Variants in BST1 observed in about 807,000 individuals in gnomAD.
BST1 encodes bone marrow stromal cell antigen 1, also known as ADP-ribosyl cyclase/cyclic ADP-ribose hydrolase 2.
A neutral mutation model predicts 40.6 loss-of-function variants in BST1; 49 were observed. The observed-to-expected ratio is 1.21, with a 90% CI of 0.96 to 1.53. BST1 has a LOEUF of 1.53. Among genes scored for constraint, BST1 ranks in the 40% most tolerant of loss-of-function variants. The pLI, the probability that BST1 is intolerant of heterozygous loss-of-function variation, is 0.00. For missense variants in BST1, 423 were observed against 395.9 expected, an observed-to-expected ratio of 1.07 and a Z score of -0.58; for synonymous variants, 157 against 159.3, an observed-to-expected ratio of 0.99 and a Z score of 0.11.
At chr4:15,719,506 AT>A (rs940747906) in intron 7 of BST1, among the ~76,000 whole-genome samples, 15 of 152,054 alleles carry the variant, frequency 9.9e-5, no homozygotes, top group African/African-American at 2.7e-4. Context: ...TTGCTTGGAC[AT>A]TTTTTTTTTA....
the BST1 span, among the ~76,000 whole-genome samples, chr4:15,747,271 CA>C: frequency 1.3e-5 from 2 of 152,142 alleles, no homozygotes; most frequent in African/African-American, 4.8e-5. Context: ...TCTTAGGAAC[CA>C]TGGGATATAT....
At chr4:15,727,242 C>T (rs1022748471) in intron 8 of BST1, among the ~76,000 whole-genome samples, 1 of 152,178 alleles carries the variant, frequency 6.6e-6, no homozygotes, top group African/African-American at 2.4e-5. Flanking sequence ...TAAAATGTCT[C>T]TGGGTCTCAC....
downstream of BST1, among the ~76,000 whole-genome samples, chr4:15,740,700 A>T (rs1437060966): frequency 6.6e-6 from 1 of 152,146 alleles, no homozygotes; most frequent in Non-Finnish European, 1.5e-5. Context: ...GAGGATATTA[A>T]AATAAAATGT....
At chr4:15,712,491 G>A (rs576129472) in intron 4 of BST1, among the ~76,000 whole-genome samples, 1 of 152,128 alleles carries the variant, frequency 6.6e-6, no homozygotes, top group South Asian at 2.1e-4. Context: ...AGAGGGTTAA[G>A]TTCTTAGTTC....
chr4:15,736,480 C>T (rs1324026802), downstream of BST1, among the ~76,000 whole-genome samples: 2 of 151,854 alleles, frequency 1.3e-5, no homozygotes, highest in East Asian at 1.9e-4. Flanking sequence ...CGTGGTGGCA[C>T]GTGCCTGTAA....
At chr4:15,723,744 A>C (rs1000383280) in intron 8 of BST1, 3 of 547,708 alleles carry the variant, frequency 5.5e-6, no homozygotes, top group Non-Finnish European at 7.0e-6. Context: ...TGTATTTTAA[A>C]TTTTGATATG....
the BST1 span, among the ~76,000 whole-genome samples, chr4:15,754,489 C>T: frequency 6.6e-6 from 1 of 152,126 alleles, no homozygotes; most frequent in South Asian, 2.1e-4. Context: ...ACTCAGTGCC[C>T]CTGGGTGGTA....
At chr4:15,753,494 C>G in the BST1 span, among the ~76,000 whole-genome samples, 149 of 152,280 alleles carry the variant, frequency 9.8e-4, no homozygotes, top group East Asian at 5.4e-3. Flanking sequence ...TTTGTCCTTG[C>G]ATAATTATTA....
chr4:15,709,728 T>A (rs1455932952), intron 3 of BST1, among the ~76,000 whole-genome samples: 2 of 152,140 alleles, frequency 1.3e-5, no homozygotes, highest in Non-Finnish European at 2.9e-5. Flanking sequence ...GTGTATGTCA[T>A]GGAATCCTGT....
chr4:15,740,118 G>A (rs1264196471), downstream of BST1, among the ~76,000 whole-genome samples: 7 of 152,108 alleles, frequency 4.6e-5, no homozygotes, highest in Non-Finnish European at 5.9e-5. Flanking sequence ...CAGTGGCACC[G>A]TCTCGTCTCA....
At chr4:15,741,095 C>T (rs1393045378), downstream of BST1, among the ~76,000 whole-genome samples, 1 of 139,600 alleles carries the variant, frequency 7.2e-6, no homozygotes, top group Non-Finnish European at 1.5e-5. Context: ...TTATATCTAG[C>T]GACAAAAGAT....
chr4:15,754,501 C>G, the BST1 span, among the ~76,000 whole-genome samples: 1 of 152,180 alleles, frequency 6.6e-6, no homozygotes, highest in African/African-American at 2.4e-5. Context: ...TGGGTGGTAG[C>G]AGAAGCATGA....
At chr4:15,761,030 TTTTTGTTTTGTTTTG>T in the BST1 span, among the ~76,000 whole-genome samples, 6 of 151,662 alleles carry the variant, frequency 4.0e-5, no homozygotes, top group African/African-American at 1.5e-4. Flanking sequence ...GCATATAGTT[TTTTTGTTTTGTTTTG>T]TTTTGTTTTG....
chr4:15,760,684 ATTTATTTATT>A, the BST1 span, among the ~76,000 whole-genome samples: 1 of 150,262 alleles, frequency 6.7e-6, no homozygotes, highest in Non-Finnish European at 1.5e-5. Flanking sequence ...TATACTATAT[ATTTATTTATT>A]TATTTATTTA....
intron 8 of BST1, among the ~76,000 whole-genome samples, chr4:15,728,449 CTT>C (rs974237825): frequency 0.027 from 3,236 of 119,484 alleles, 109 homozygotes; most frequent in East Asian, 0.24. Context: ...AATTCTTTTT[CTT>C]TTTTTTTTTT....
chr4:15,704,018 G>A (rs1267228839), intron 1 of BST1, among the ~76,000 whole-genome samples: 2 of 147,154 alleles, frequency 1.4e-5, no homozygotes, highest in Non-Finnish European at 3.0e-5. Context: ...TAGAGGTGAG[G>A]GGTGCGTGCA....
At chr4:15,738,859 G>A (rs995221178), downstream of BST1, among the ~76,000 whole-genome samples, 1 of 152,218 alleles carries the variant, frequency 6.6e-6, no homozygotes, top group African/African-American at 2.4e-5. Context: ...AAATGAACAT[G>A]GCTGATTGAG....
At chr4:15,711,961 G>A (rs1430646500) in intron 4 of BST1, 72 bp downstream of exon 4, 1 of 1,357,590 alleles carries the variant, frequency 7.4e-7, no homozygotes, top group East Asian at 2.3e-5. Flanking sequence ...GTCATTCAGA[G>A]TCTGGGCCCC....
intron 3 of BST1, among the ~76,000 whole-genome samples, chr4:15,709,811 A>T (rs956932097): frequency 6.6e-6 from 1 of 152,224 alleles, no homozygotes; most frequent in African/African-American, 2.4e-5. Flanking sequence ...AGCAAAAAAT[A>T]AATTTACATA....
Sources: allele counts gnomAD v4.1 joint callset (sites outside exome capture counted in the v4.1 genomes callset), GRCh38; gene constraint gnomAD v4.1.1; transcripts MANE v1.5; gene names NCBI Gene and HGNC (gene_info 2026-07-23, HGNC 2026-07-21).